DISC1: variants seen among roughly 807,000 people sequenced by gnomAD.
DISC1 encodes the protein disrupted in schizophrenia 1 protein.
In DISC1, 57 loss-of-function variants were observed where a neutral mutation model predicts 84.5. That is an observed-to-expected ratio of 0.67 (90% confidence interval 0.55 to 0.84). The LOEUF (loss-of-function observed/expected upper bound fraction) is 0.84. Among genes scored for constraint, DISC1 ranks in the 40% least tolerant of loss-of-function variants. The pLI is 0.00. For missense variants in DISC1, 1,000 were observed against 1,057.8 expected, an observed-to-expected ratio of 0.95 and a Z score of 0.76; for synonymous variants, 411 against 415.2, an observed-to-expected ratio of 0.99 and a Z score of 0.12.
intron 9 of DISC1, among the ~76,000 whole-genome samples, chr1:231,955,476 T>G (rs1430271157): frequency 6.7e-6 from 1 of 148,342 alleles, no homozygotes; most frequent in Non-Finnish European, 1.5e-5. Flanking sequence ...AAATCTGTAG[T>G]CATTCTTGAC....
In DISC1 at chr1:231,831,783, C is replaced by T. The variant is rs575859950; in HGVS notation, c.1981+13266C>T. Among the ~76,000 whole-genome samples the T allele has an allele frequency of 1.5e-3, 229 of 150,530 alleles. 1 individual carries two copies. The highest frequency in any genetic ancestry group is 5.4e-3 in the African/African-American group (218 of 40,440). ...TATTTAGAGTCAGTATAAATATTGA[C>T]GTGTCGTCCTTTTGCAAGAGTGAGG... On this transcript the variant is annotated intron_variant, in intron 9 of 12. Coordinates refer to ENST00000439617, the MANE Select transcript of DISC1 (RefSeq NM_018662.3).
chr1:231,694,906 C>T (rs934248361), intron 2 of DISC1, 101 bp downstream of exon 2: 4 of 1,520,590 alleles, frequency 2.6e-6, no homozygotes, highest in Admixed American at 3.9e-5. Context: ...AACTGACTTC[C>T]TCCTGGAAGC....
At chr1:231,768,897 G>C (rs2076355533) in intron 5 of DISC1, among the ~76,000 whole-genome samples, 1 of 152,160 alleles carries the variant, frequency 6.6e-6, no homozygotes, top group Non-Finnish European at 1.5e-5. Context: ...GAGGGAGTAG[G>C]CCTTGCAGAA....
chr1:231,849,195 A>G (rs1209505548), intron 9 of DISC1, among the ~76,000 whole-genome samples: 1 of 147,756 alleles, frequency 6.8e-6, no homozygotes, highest in Non-Finnish European at 1.5e-5. Flanking sequence ...ATCTCGGCTC[A>G]CTGCAACCTC....
At chr1:231,974,383 G>T (rs1206213160) in intron 10 of DISC1, among the ~76,000 whole-genome samples, 3 of 152,096 alleles carry the variant, frequency 2.0e-5, no homozygotes, top group African/African-American at 7.2e-5. Flanking sequence ...CATTTTACTG[G>T]TCTTTTTTTC....
intron 2 of DISC1, among the ~76,000 whole-genome samples, chr1:231,696,267 T>C (rs2065687147): frequency 6.6e-6 from 1 of 152,236 alleles, no homozygotes; most frequent in Non-Finnish European, 1.5e-5. Flanking sequence ...AGGGTCTACC[T>C]TCCTGCGGTG....
chr1:231,652,614 A>G (rs2060727707), intron 1 of DISC1, among the ~76,000 whole-genome samples: 1 of 152,200 alleles, frequency 6.6e-6, no homozygotes, highest in Non-Finnish European at 1.5e-5. Context: ...CATATTCCTC[A>G]CTGTTAATGA....
At chr1:231,957,272 G>A (rs1031912194) in intron 9 of DISC1, among the ~76,000 whole-genome samples, 2 of 152,138 alleles carry the variant, frequency 1.3e-5, no homozygotes, top group African/African-American at 4.8e-5. Context: ...CAAGATGCCT[G>A]TTGATGCCCT....
chr1:231,808,119 TA>T (rs1429778822), intron 8 of DISC1, among the ~76,000 whole-genome samples: 1 of 152,232 alleles, frequency 6.6e-6, no homozygotes, highest in Non-Finnish European at 1.5e-5. Context: ...GACTGCATGT[TA>T]GGATCATCTG....
chr1:231,910,338 T>A (rs1051594534), intron 9 of DISC1, among the ~76,000 whole-genome samples: 2 of 152,242 alleles, frequency 1.3e-5, no homozygotes, highest in African/African-American at 4.8e-5. Context: ...CTCTACACAC[T>A]GCTTTAAATG....
At chr1:231,791,581 A>G (rs1046164866) in intron 6 of DISC1, among the ~76,000 whole-genome samples, 23 of 152,350 alleles carry the variant, frequency 1.5e-4, no homozygotes, top group African/African-American at 5.1e-4. Flanking sequence ...GCCACTTTGA[A>G]TGAAGATACT....
At chr1:231,928,922 C>T in intron 9 of DISC1, among the ~76,000 whole-genome samples, 1 of 152,112 alleles carries the variant, frequency 6.6e-6, no homozygotes. Flanking sequence ...GTCTGAGAGA[C>T]AGTTTGTTAT....
At chr1:231,802,251 A>G (rs764340268) in intron 8 of DISC1, among the ~76,000 whole-genome samples, 2 of 152,074 alleles carry the variant, frequency 1.3e-5, no homozygotes, top group Non-Finnish European at 2.9e-5. Context: ...AGGTGTTTGG[A>G]TCATGAGGGC....
chr1:231,891,421 A>G (rs1286046574), intron 9 of DISC1, among the ~76,000 whole-genome samples: 1 of 152,206 alleles, frequency 6.6e-6, no homozygotes, highest in Admixed American at 6.5e-5. Context: ...TTAATTACTC[A>G]CAGATCCTGT....
chr1:232,033,499 C>T lies in DISC1; in HGVS notation c.2426-3193C>T, dbSNP rs546293305. Among the ~76,000 whole-genome samples, 13 of 152,354 alleles carry T rather than the reference C, an allele frequency of 8.5e-5. No homozygotes were observed. The South Asian group carries it at 1.0e-3, about 12-fold the overall frequency. ...CACCCCTCTGCTCCAGGTCCTCCCA[C>T]GGCTCCTCCCATCTCACTGTGAACA... is the stretch of plus-strand genomic sequence containing the variant. On this transcript the variant is annotated intron_variant, in intron 12 of 12. Coordinates refer to ENST00000439617, the MANE Select transcript of DISC1 (RefSeq NM_018662.3).
In DISC1 at chr1:231,879,762, G is replaced by A. The variant is rs532372123; in HGVS notation, c.1981+61245G>A. On this transcript the variant is annotated intron_variant, in intron 9 of 12. Transcript: ENST00000439617. ...GGAAACAGATGGGTGGTCTATGATTGGTTAGATGGTAGTGTTTGAACTCTG... is the reference window on the plus strand; with the variant it reads ...GGAAACAGATGGGTGGTCTATGATTAGTTAGATGGTAGTGTTTGAACTCTG... Among the ~76,000 whole-genome samples the A allele has an allele frequency of 5.9e-5, 9 of 152,254 alleles. No homozygotes were observed. In the South Asian group the frequency reaches 1.7e-3, roughly 28 times the overall value.
intron 9 of DISC1, among the ~76,000 whole-genome samples, chr1:231,887,605 G>T (rs1418659915): frequency 1.3e-5 from 2 of 152,206 alleles, no homozygotes; most frequent in Admixed American, 1.3e-4. Context: ...CTACAGGACT[G>T]GGCAGTTACG....
At chr1:231,701,008 A>G (rs1054262813) in intron 2 of DISC1, among the ~76,000 whole-genome samples, 4 of 152,174 alleles carry the variant, frequency 2.6e-5, no homozygotes, top group African/African-American at 9.7e-5. Context: ...CAATGATTGT[A>G]TTAGTCAGTT....
In DISC1 at chr1:231,954,432, T is replaced by G. The variant is rs1210139238; in HGVS notation, c.1982-4396T>G. Among the ~76,000 whole-genome samples, 2 of 152,188 alleles carry G rather than the reference T, an allele frequency of 1.3e-5. No homozygotes were observed. The highest frequency in any genetic ancestry group is 2.9e-5 in the Non-Finnish European group (2 of 68,036). ...TTTTGTTTAATTGGATTCATCAAAC[T>G]AATTGTATGAATTCCACTCTGTTAT... On this transcript the variant is annotated intron_variant, in intron 9 of 12. Coordinates refer to ENST00000439617, the MANE Select transcript of DISC1 (RefSeq NM_018662.3). This position sits in a 1 kb window ranked among gnomAD's most constrained non-coding sequence, Gnocchi z 4.8.
Sources: gnomAD v4.1 joint callset for allele counts (sites outside exome capture counted in the v4.1 genomes callset) on GRCh38, gnomAD v4.1.1 for gene constraint, Gnocchi (gnomAD v3.1) non-coding constraint, MANE v1.5 for transcripts, NCBI Gene and HGNC (gene_info 2026-07-23, HGNC 2026-07-21) for gene names.